Variants in LIPC observed in about 807,000 individuals in gnomAD.
The protein encoded by LIPC is lipase C, hepatic type.
LIPC carries 44 observed loss-of-function variants against 50.7 expected under a neutral mutation model. The observed-to-expected ratio is 0.87, with a 90% CI of 0.68 to 1.11. The LOEUF (loss-of-function observed/expected upper bound fraction) is 1.11, where lower values mean the gene tolerates loss of function less well. Ranked by LOEUF, LIPC falls within the 50% of genes most tolerant of loss-of-function variation. The pLI is 0.00. For missense variants in LIPC, 697 were observed against 648.2 expected, an observed-to-expected ratio of 1.08 and a Z score of -0.82; for synonymous variants, 271 against 256.4, an observed-to-expected ratio of 1.06 and a Z score of -0.54.
intron 1 of LIPC, among the ~76,000 whole-genome samples, chr15:58,448,163 ATGT>A (rs1330249261): frequency 2.4e-4 from 36 of 152,278 alleles, no homozygotes; most frequent in African/African-American, 8.4e-4. Context: ...TAGGGCCCAA[ATGT>A]TGTCACCAAA....
At chr15:58,458,972 G>C (rs1451923858) in intron 1 of LIPC, among the ~76,000 whole-genome samples, 2 of 152,212 alleles carry the variant, frequency 1.3e-5, no homozygotes, top group Non-Finnish European at 2.9e-5. Context: ...GGCTTTATTA[G>C]TTTTCTAGTG....
At chr15:58,565,064 CTGTGGCAGATG>C (rs1894313516) in intron 8 of LIPC, 1 of 826,172 alleles carries the variant, frequency 1.2e-6, no homozygotes, top group Non-Finnish European at 1.9e-6. Flanking sequence ...AGATGCCGGC[CTGTGGCAGATG>C]TATGCCCCTG....
intron 6 of LIPC, among the ~76,000 whole-genome samples, chr15:58,558,979 G>A: frequency 6.6e-6 from 1 of 152,222 alleles, no homozygotes; most frequent in South Asian, 2.1e-4. Context: ...CAAATGGGAA[G>A]ATTAGTTTAT....
chr15:58,457,977 T>C (rs1336954004), intron 1 of LIPC, among the ~76,000 whole-genome samples: 1 of 152,194 alleles, frequency 6.6e-6, no homozygotes, highest in Admixed American at 6.5e-5. Flanking sequence ...GCATAGGACA[T>C]ACCAGTTTAT....
At chr15:58,503,300 G>C (rs1219460426) in intron 1 of LIPC, among the ~76,000 whole-genome samples, 1 of 152,180 alleles carries the variant, frequency 6.6e-6, no homozygotes, top group Non-Finnish European at 1.5e-5. Flanking sequence ...ACCCTGTTCA[G>C]GATCTGTCAC....
chr15:58,444,667 T>A (rs1457343227), intron 1 of LIPC, among the ~76,000 whole-genome samples: 1 of 152,110 alleles, frequency 6.6e-6, no homozygotes, highest in African/African-American at 2.4e-5. Flanking sequence ...AAGACCCCAG[T>A]CATATTGGAT....
intron 6 of LIPC, among the ~76,000 whole-genome samples, chr15:58,548,790 A>T (rs1412941168): frequency 6.6e-6 from 1 of 152,186 alleles, no homozygotes; most frequent in African/African-American, 2.4e-5. Context: ...AGAAACCTCG[A>T]CCATTTCTGA....
At chr15:58,558,209 A>G (rs978682556) in intron 6 of LIPC, among the ~76,000 whole-genome samples, 1 of 151,854 alleles carries the variant, frequency 6.6e-6, no homozygotes, top group African/African-American at 2.4e-5. Context: ...AGTAGCTGGG[A>G]CTACAGGCGC....
chr15:58,486,041 A>G (rs1891364324), intron 1 of LIPC, among the ~76,000 whole-genome samples: 1 of 152,222 alleles, frequency 6.6e-6, no homozygotes. Flanking sequence ...GGTTCCAGTG[A>G]ACAGAAAGCC....
At chr15:58,461,456 G>A (rs1375995255) in intron 1 of LIPC, among the ~76,000 whole-genome samples, 4 of 152,206 alleles carry the variant, frequency 2.6e-5, no homozygotes, top group South Asian at 2.1e-4. Flanking sequence ...CAAGGCTGGA[G>A]TGCAGTGGCT....
In LIPC at chr15:58,539,236, C is replaced by T. The variant is rs537210500; in HGVS notation, c.273+719C>T. Among the ~76,000 whole-genome samples the T allele has an allele frequency of 3.9e-5, 6 of 152,288 alleles. No homozygotes were observed. In the South Asian group the frequency reaches 6.2e-4, roughly 16 times the overall value. Reference sequence around the variant, plus strand: ...CTTTATTGAGATATAATTTACAAAGCGTACAACTTATCCATTTCAAGTTTA... The same window carrying T: ...CTTTATTGAGATATAATTTACAAAGTGTACAACTTATCCATTTCAAGTTTA... On this transcript the variant is annotated intron_variant, in intron 2 of 8. Transcript: ENST00000299022.
At chr15:58,565,605 G>A (rs1179735770) in intron 8 of LIPC, 2 of 1,086,480 alleles carry the variant, frequency 1.8e-6, no homozygotes, top group Non-Finnish European at 2.2e-6. Flanking sequence ...TACACAGCTT[G>A]AGGACATTGC....
intron 1 of LIPC, among the ~76,000 whole-genome samples, chr15:58,453,895 GA>G (rs1243490425): frequency 6.6e-6 from 1 of 151,610 alleles, no homozygotes; most frequent in African/African-American, 2.4e-5. Flanking sequence ...AAAAGAAAAA[GA>G]AAAAAAATGG....
intron 1 of LIPC, among the ~76,000 whole-genome samples, chr15:58,488,792 C>G (rs1313378470): frequency 6.6e-6 from 1 of 152,102 alleles, no homozygotes; most frequent in Admixed American, 6.5e-5. Flanking sequence ...TTGGCATGAC[C>G]CAAAGACCAC....
At chr15:58,469,835 G>A (rs192763043) in intron 1 of LIPC, among the ~76,000 whole-genome samples, 18 of 152,256 alleles carry the variant, frequency 1.2e-4, no homozygotes, top group South Asian at 6.2e-4. Flanking sequence ...GGACCTCCCC[G>A]CGGCAGCACT....
chr15:58,545,907 G>A lies in LIPC; in HGVS notation c.740G>A (p.Gly247Glu), dbSNP rs771312009. Residue 247 changes from glycine (G) to glutamate (E), a missense_variant, in exon 5 of 9, where the codon GGG (glycine) becomes GAG (glutamate). Gly to Glu is a moderately conservative substitution (Grantham distance 98). Transcript: ENST00000299022. ...PIGHYDFYPN[G>E]GSFQPGCHFL... Reference sequence around the variant, plus strand: ...GGACACTATGACTTCTATCCCAACGGGGGCTCCTTCCAGCCTGGCTGCCAC... The same window carrying A: ...GGACACTATGACTTCTATCCCAACGAGGGCTCCTTCCAGCCTGGCTGCCAC... 8.7e-6 allele frequency: 14 copies of A among 1,614,164 alleles called. No individual in the cohort carries two copies. The South Asian group carries it at 1.3e-4, about 15-fold the overall frequency.
intron 1 of LIPC, 130 bp from the exon 2 acceptor site, chr15:58,538,203 C>G: frequency 1.1e-6 from 1 of 911,326 alleles, no homozygotes; most frequent in Non-Finnish European, 1.8e-6. Context: ...ACAGTTGTGG[C>G]TCATTCTGAT....
chr15:58,473,118 T>G (rs1296284389), intron 1 of LIPC, among the ~76,000 whole-genome samples: 1 of 152,054 alleles, frequency 6.6e-6, no homozygotes, highest in African/African-American at 2.4e-5. Flanking sequence ...ACCTCATGCC[T>G]CAACCAAGGA....
rs115972151 is a variant in LIPC at position 58,480,919 on chromosome 15, C to T, written c.88+48799C>T. 5.5e-3 allele frequency among the ~76,000 whole-genome samples: 839 copies of T among 152,172 alleles called. 3 individuals are homozygous for T. Among genetic ancestry groups the T allele is most frequent in the African/African-American group, 0.019 (808 of 41,502 alleles). On this transcript the variant is annotated intron_variant, in intron 1 of 8. Coordinates refer to ENST00000299022, the MANE Select transcript of LIPC (RefSeq NM_000236.3). Reference sequence around the variant, plus strand: ...CTGTTCAGTTATGTCACAAGCTTCTCGGAGGCAGGTCCAGAGACTTCGGTT... The same window carrying T: ...CTGTTCAGTTATGTCACAAGCTTCTTGGAGGCAGGTCCAGAGACTTCGGTT...
Sources: gnomAD v4.1 joint callset for allele counts (sites outside exome capture counted in the v4.1 genomes callset) on GRCh38, gnomAD v4.1.1 for gene constraint, MANE v1.5 for transcripts, NCBI Gene and HGNC (gene_info 2026-07-23, HGNC 2026-07-21) for gene names.